The following PCDHGA11 variants were observed in gnomAD, a reference collection of about 807,000 sequenced individuals.
The protein encoded by PCDHGA11 is protocadherin gamma subfamily A, 11, also known as protocadherin gamma-A11.
PCDHGA11 carries 39 observed loss-of-function variants against 60.4 expected under a neutral mutation model. The ratio of observed to expected loss-of-function variants is 0.65; its 90% CI spans 0.50 to 0.84. The LOEUF is 0.84. PCDHGA11 is among the 40% of genes least tolerant of loss of function. PCDHGA11 has a pLI of 0.00. For synonymous variants in PCDHGA11, 533 were observed against 510.3 expected, an observed-to-expected ratio of 1.04 and a Z score of -0.60; for missense variants, 1,165 against 1,197.7, an observed-to-expected ratio of 0.97 and a Z score of 0.40.
At position 141,486,427 on chromosome 5, in the gene PCDHGA11, A is replaced by T. The variant is rs775958317; in HGVS notation, c.2434-8380A>T. ...CTGGACCCTTGGATCGAGAGGCCAAATCTAGCTATGACATCATGGTCACTG... is the reference window on the plus strand; with the variant it reads ...CTGGACCCTTGGATCGAGAGGCCAATTCTAGCTATGACATCATGGTCACTG... On this transcript the variant is annotated intron_variant, in intron 1 of 3. Transcript: ENST00000398587. The surrounding 1 kb of genome is among the most constrained non-coding windows in gnomAD (Gnocchi z 5.0). 17 of 1,614,042 alleles carry T rather than the reference A, an allele frequency of 1.1e-5. No homozygotes were observed. The Admixed American group carries it at 2.8e-4, about 27-fold the overall frequency.
intron 1 of PCDHGA11, among the ~76,000 whole-genome samples, chr5:141,456,306 G>A (rs937409031): frequency 4.6e-5 from 7 of 152,158 alleles, no homozygotes; most frequent in Admixed American, 2.6e-4. Context: ...GAGAACAGCA[G>A]CTAGGGCTCC....
intron 1 of PCDHGA11, among the ~76,000 whole-genome samples, chr5:141,474,136 G>A (rs1383142266): frequency 1.3e-5 from 2 of 152,056 alleles, no homozygotes; most frequent in East Asian, 3.8e-4. Context: ...AAAACTACAG[G>A]CCTTATTATC....
chr5:141,509,550 T>C (rs1562240751), intron 3 of PCDHGA11, among the ~76,000 whole-genome samples: 1 of 152,142 alleles, frequency 6.6e-6, no homozygotes, highest in Non-Finnish European at 1.5e-5. Flanking sequence ...TCTCATTTAG[T>C]CCTCACAGCA....
chr5:141,506,584 G>A (rs1413313164), intron 3 of PCDHGA11, among the ~76,000 whole-genome samples: 1 of 152,098 alleles, frequency 6.6e-6, no homozygotes, highest in African/African-American at 2.4e-5. Context: ...ACTATTAATG[G>A]GCACAGTATT....
intron 1 of PCDHGA11, among the ~76,000 whole-genome samples, chr5:141,449,413 C>G (rs2098637966): frequency 6.6e-6 from 1 of 151,656 alleles, no homozygotes; most frequent in African/African-American, 2.4e-5. Flanking sequence ...TCAAGACCAG[C>G]CTGGCCAACA....
chr5:141,501,544 G>T (rs1297191346), intron 2 of PCDHGA11, among the ~76,000 whole-genome samples: 3 of 151,962 alleles, frequency 2.0e-5, no homozygotes, highest in African/African-American at 7.3e-5. Flanking sequence ...TTGTGCATAA[G>T]ATCATAGGCC....
chr5:141,465,502 G>A (rs948827391), intron 1 of PCDHGA11, among the ~76,000 whole-genome samples: 6 of 152,268 alleles, frequency 3.9e-5, no homozygotes, highest in Admixed American at 2.0e-4. Context: ...GAGCATTGTC[G>A]TGGTCAGGAA....
chr5:141,492,501 G>A (rs551410616), intron 1 of PCDHGA11, among the ~76,000 whole-genome samples: 8 of 152,302 alleles, frequency 5.3e-5, no homozygotes, highest in East Asian at 1.9e-4. Flanking sequence ...CGAGGACTCC[G>A]GAGCCTCCTC....
chr5:141,455,533 T>C (rs1232689740), intron 1 of PCDHGA11, among the ~76,000 whole-genome samples: 1 of 152,134 alleles, frequency 6.6e-6, no homozygotes, highest in African/African-American at 2.4e-5. Flanking sequence ...TGACCAGGCA[T>C]ATCATTCACG....
Position 141,511,103 on chromosome 5 carries a change from A to G in PCDHGA11, c.2738A>G (p.Lys913Arg), listed in dbSNP as rs779731716. The G allele has an allele frequency of 6.2e-7, 1 of 1,614,214 alleles. No individual in the cohort carries two copies. The highest frequency in any genetic ancestry group is 8.5e-7 in the Non-Finnish European group (1 of 1,180,026). The change falls in exon 4 of 4, where the codon AAG becomes AGG. Residue 913 changes from lysine to arginine, a missense_variant. By Grantham distance (26) the Lys-to-Arg change is conservative. Coordinates refer to ENST00000398587, the MANE Select transcript of PCDHGA11 (RefSeq NM_018914.3). ...SNATLTNAAGKRDGKAPAGGN... is the reference protein window; with the variant it reads ...SNATLTNAAGRRDGKAPAGGN... ...GCCACACTGACCAACGCAGCTGGCA[A>G]GCGGGATGGCAAGGCCCCAGCAGGT...
At chr5:141,497,807 T>G (rs2099779585) in intron 2 of PCDHGA11, among the ~76,000 whole-genome samples, 1 of 152,210 alleles carries the variant, frequency 6.6e-6, no homozygotes, top group African/African-American at 2.4e-5. Context: ...CCCAAAGTGC[T>G]AGAATTACAG....
At chr5:141,441,196 G>C (rs575668023) in intron 1 of PCDHGA11, 2 of 152,266 alleles carry the variant, frequency 1.3e-5, no homozygotes, top group East Asian at 3.9e-4. Flanking sequence ...GATTCCCAAA[G>C]ATTCTGCACC....
Position 141,465,218 on chromosome 5 carries a change from A to G in PCDHGA11, c.2434-29589A>G, listed in dbSNP as rs151158068. ...ATAAAAATATAAGCTTTATTTTTCA[A>G]CATGAGCTCCATCAAGTTCAAGGCA... On this transcript the variant is annotated intron_variant, in intron 1 of 3. Coordinates refer to ENST00000398587, the MANE Select transcript of PCDHGA11 (RefSeq NM_018914.3). Among the ~76,000 whole-genome samples, 591 of 152,288 alleles carry G rather than the reference A, an allele frequency of 3.9e-3. 6 individuals carry two copies. The highest frequency in any genetic ancestry group is 0.011 in the Admixed American group (171 of 15,290).
Position 141,486,058 on chromosome 5 carries a change from G to A in PCDHGA11, c.2434-8749G>A. On this transcript the variant is annotated intron_variant, in intron 1 of 3. Transcript: ENST00000398587. The surrounding 1 kb of genome is among the most constrained non-coding windows in gnomAD (Gnocchi z 5.0). The stretch of plus-strand genomic sequence containing the variant: ...ATCGTGTAAGAAACCTCTTTAGCCT[G>A]CACCCCACTACTGGAAAGCTTACTC... The A allele has an allele frequency of 6.2e-7, 1 of 1,614,122 alleles. No homozygotes were observed. The highest frequency in any genetic ancestry group is 8.5e-7 in the Non-Finnish European group (1 of 1,180,012).
In PCDHGA11 at chr5:141,490,701, C is replaced by T; in HGVS notation, c.2434-4106C>T. On this transcript the variant is annotated intron_variant, in intron 1 of 3. Transcript: ENST00000398587. This position sits in a 1 kb window ranked among gnomAD's most constrained non-coding sequence, Gnocchi z 5.4. Reference sequence around the variant, plus strand: ...CAGATCCAGACACTGGGGATAATGCCCGCCTCACCTACTCCATTGTAGGAA... The same window carrying T: ...CAGATCCAGACACTGGGGATAATGCTCGCCTCACCTACTCCATTGTAGGAA... The T allele has an allele frequency of 6.2e-7, 1 of 1,614,184 alleles. No individual in the cohort carries two copies. The highest frequency in any genetic ancestry group is 8.5e-7 in the Non-Finnish European group (1 of 1,180,008).
At chr5:141,434,883 C>T (rs1490696834) in intron 1 of PCDHGA11, among the ~76,000 whole-genome samples, 1 of 151,644 alleles carries the variant, frequency 6.6e-6, no homozygotes, top group Non-Finnish European at 1.5e-5. Context: ...ATACCAACAA[C>T]AATCCAGTCC....
Position 141,476,162 on chromosome 5 carries a change from G to A in PCDHGA11, c.2434-18645G>A. 6.2e-7 allele frequency: 1 copy of A among 1,613,038 alleles called. No homozygotes were observed. Among genetic ancestry groups the A allele is most frequent in the South Asian group, 1.1e-5 (1 of 91,040 alleles). Reference sequence around the variant, plus strand: ...GAGCGGACTGGTAAGCACCGGGAGGGTAGTGGGAGTTTTGCTTCTGCTTGG... The same window carrying A: ...GAGCGGACTGGTAAGCACCGGGAGGATAGTGGGAGTTTTGCTTCTGCTTGG... On this transcript the variant is annotated intron_variant, in intron 1 of 3. Coordinates refer to ENST00000398587, the MANE Select transcript of PCDHGA11 (RefSeq NM_018914.3). The surrounding 1 kb of genome is among the most constrained non-coding windows in gnomAD (Gnocchi z 7.6).
At position 141,423,230 on chromosome 5, in the gene PCDHGA11, G is replaced by A. The variant is rs1223173152; in HGVS notation, c.2003G>A (p.Ser668Asn). 1 of 1,613,872 alleles carries A rather than the reference G, an allele frequency of 6.2e-7. No homozygotes were observed. The highest frequency in any genetic ancestry group is 2.2e-5 in the East Asian group (1 of 44,870). ...ACGCTCACCGTGGCTGTGGCCGACA[G>A]CATCCCCGAAGTCCTGGCGGACCTC... ...TVTLTVAVAD[S>N]IPEVLADLGS... The change falls in exon 1 of 4, where the codon AGC (serine) becomes AAC (asparagine). Residue 668 changes from serine to asparagine, a missense_variant. Physicochemically the swap from Ser to Asn is conservative, Grantham distance 46. Transcript: ENST00000398587.
In PCDHGA11 at chr5:141,432,725, G is replaced by T; in HGVS notation, c.2433+9065G>T. The T allele has an allele frequency of 6.2e-7, 1 of 1,614,014 alleles. No individual in the cohort carries two copies. On this transcript the variant is annotated intron_variant, in intron 1 of 3. Coordinates refer to ENST00000398587, the MANE Select transcript of PCDHGA11 (RefSeq NM_018914.3). The surrounding 1 kb of genome is among the most constrained non-coding windows in gnomAD (Gnocchi z 6.0). ...GGACCACGGCCAGCCCCCTCTCTCC[G>T]CCACTGTCACGCTCACCGTGGCCGT...
Sources: gnomAD v4.1 joint callset for allele counts (sites outside exome capture counted in the v4.1 genomes callset) on GRCh38, gnomAD v4.1.1 for gene constraint, Gnocchi (gnomAD v3.1) non-coding constraint, MANE v1.5 for transcripts, NCBI Gene and HGNC (gene_info 2026-07-23, HGNC 2026-07-21) for gene names.